OPHN1: variants seen among roughly 807,000 people sequenced by gnomAD.
The protein encoded by OPHN1 is oligophrenin-1.
In OPHN1, 11 loss-of-function variants were observed where a neutral mutation model predicts 60.7. The ratio of observed to expected loss-of-function variants is 0.18; its 90% CI spans 0.11 to 0.30. The LOEUF (loss-of-function observed/expected upper bound fraction) is 0.30. Among genes scored for constraint, OPHN1 ranks in the 10% least tolerant of loss-of-function variants. The pLI, the probability that OPHN1 is intolerant of heterozygous loss-of-function variation, is 1.00. For synonymous variants in OPHN1, 226 were observed against 222.6 expected (o/e 1.02, Z -0.14); for missense variants, 449 against 611.0 (o/e 0.73, Z 2.80).
chrX:68,328,437 A>C, intron 2 of OPHN1, among the ~76,000 whole-genome samples: 1 of 113,189 alleles, frequency 8.8e-6, no homozygotes, highest in African/African-American at 3.2e-5. Context: ...CAAAACTTTT[A>C]AACTTTTAAA....
chrX:68,408,783 G>A (rs1193006068), intron 2 of OPHN1, among the ~76,000 whole-genome samples: 2 of 112,321 alleles, frequency 1.8e-5, no homozygotes, highest in South Asian at 3.7e-4. Context: ...CCAACAGGGC[G>A]AACCTTGTCT....
intron 3 of OPHN1, among the ~76,000 whole-genome samples, chrX:68,291,761 C>T (rs892225200): frequency 2.7e-5 from 3 of 110,674 alleles, no homozygotes; most frequent in Non-Finnish European, 5.7e-5. Context: ...CTTCTTCATG[C>T]CTCCCATAAG....
Position 68,364,053 on chromosome X carries a change from T to C in OPHN1, c.155-64957A>G, listed in dbSNP as rs760022798. 1.2e-4 allele frequency among the ~76,000 whole-genome samples: 13 copies of C among 112,312 alleles called. 2 individuals carry two copies. In the South Asian group the frequency reaches 4.8e-3, roughly 42 times the overall value. ...GTTCCTTGAACATGCCCAGTTCTTA[T>C]TCAATGCATATGCTGTACGAGAGAC... On this transcript the variant is annotated intron_variant, in intron 2 of 24. Transcript: ENST00000355520.
intron 2 of OPHN1, among the ~76,000 whole-genome samples, chrX:68,356,445 C>T (rs2078441074): frequency 9.1e-6 from 1 of 109,730 alleles, no homozygotes; most frequent in Non-Finnish European, 1.9e-5. Flanking sequence ...CAGGGTCTCA[C>T]TCTGTTTCCC....
intron 2 of OPHN1, among the ~76,000 whole-genome samples, chrX:68,357,695 T>C (rs1291942768): frequency 6.3e-5 from 7 of 110,792 alleles, no homozygotes; most frequent in Non-Finnish European, 9.4e-5. Flanking sequence ...CTATTGTGAA[T>C]AGTGCTGCAA....
At chrX:68,085,134 A>G (rs1232901254) in intron 19 of OPHN1, among the ~76,000 whole-genome samples, 1 of 112,100 alleles carries the variant, frequency 8.9e-6, no homozygotes, top group Non-Finnish European at 1.9e-5. Flanking sequence ...ATGGGCATTA[A>G]CCTGTGTGTT....
At chrX:68,078,137 C>T (rs926166032) in intron 19 of OPHN1, among the ~76,000 whole-genome samples, 4 of 111,122 alleles carry the variant, frequency 3.6e-5, no homozygotes, top group African/African-American at 1.3e-4. Flanking sequence ...TTAAATGGGG[C>T]CAATTCTATT....
intron 10 of OPHN1, among the ~76,000 whole-genome samples, chrX:68,205,836 C>T (rs1028642790): frequency 1.4e-4 from 16 of 111,857 alleles, no homozygotes; most frequent in Non-Finnish European, 3.0e-4. Flanking sequence ...GCTTAAAAAT[C>T]ATGCACTAAG....
intron 6 of OPHN1, among the ~76,000 whole-genome samples, chrX:68,226,345 G>A (rs938359472): frequency 1.8e-5 from 2 of 111,171 alleles, no homozygotes; most frequent in Middle Eastern, 9.3e-3. Context: ...ATCTAGCAAG[G>A]CAGGCCAACA....
At chrX:68,059,247 C>T in intron 21 of OPHN1, among the ~76,000 whole-genome samples, 1 of 112,035 alleles carries the variant, frequency 8.9e-6, no homozygotes, top group East Asian at 2.8e-4. Flanking sequence ...TGTCAAATGA[C>T]CATAACCAAA....
chrX:68,284,456 T>C (rs890125880), intron 3 of OPHN1, among the ~76,000 whole-genome samples: 4 of 110,856 alleles, frequency 3.6e-5, no homozygotes, highest in Non-Finnish European at 7.6e-5. Flanking sequence ...GCTGATGCCA[T>C]GCTTCCTATA....
intron 11 of OPHN1, among the ~76,000 whole-genome samples, chrX:68,198,203 A>T (rs1602229231): frequency 9.0e-6 from 1 of 111,657 alleles, no homozygotes; most frequent in Admixed American, 9.6e-5. Context: ...TGAGTTAGTC[A>T]TAAGGGTAGA....
chrX:68,428,481 G>A (rs1295558009), intron 2 of OPHN1, among the ~76,000 whole-genome samples: 1 of 110,786 alleles, frequency 9.0e-6, no homozygotes, highest in Non-Finnish European at 1.9e-5. Flanking sequence ...TACCTTATAT[G>A]ACAATCATTT....
intron 15 of OPHN1, among the ~76,000 whole-genome samples, chrX:68,144,681 C>T (rs865888622): frequency 8.9e-6 from 1 of 111,800 alleles, no homozygotes; most frequent in Non-Finnish European, 1.9e-5. Flanking sequence ...TCTAAAGCTG[C>T]CTTTGGAATA....
At position 68,044,788 on chromosome X, in the gene OPHN1, TG is replaced by T. The variant is rs779427323; in HGVS notation, c.*2383del. 2 of 112,951 alleles carry T rather than the reference TG, an allele frequency of 1.8e-5. No homozygotes were observed. The highest frequency in any genetic ancestry group is 3.2e-5 in the African/African-American group (1 of 31,097). 9.3% of individuals were successfully genotyped at this position (112,951 alleles called of 1,213,427 possible). Reference sequence around the variant, plus strand: ...ACTGCTCCCTGGCCTCCAGGCAGACTGCTGGTCCCCAGCTCTCCAAGATAGG... The same window carrying T: ...ACTGCTCCCTGGCCTCCAGGCAGACTCTGGTCCCCAGCTCTCCAAGATAGG... On this transcript the variant is annotated 3_prime_UTR_variant, in exon 25 of 25. Transcript: ENST00000355520.
At chrX:68,160,091 T>C (rs2077327773) in intron 15 of OPHN1, among the ~76,000 whole-genome samples, 1 of 109,234 alleles carries the variant, frequency 9.2e-6, no homozygotes, top group Non-Finnish European at 1.9e-5. Flanking sequence ...GGGAGACATA[T>C]ATTATACAAA....
intron 18 of OPHN1, 116 bp from the exon 19 acceptor site, chrX:68,097,145 A>G: frequency 1.6e-6 from 1 of 639,764 alleles, no homozygotes. Context: ...GGAAAGGAGC[A>G]CCTAAAGTAT....
At chrX:68,357,669 T>C (rs1055761784) in intron 2 of OPHN1, among the ~76,000 whole-genome samples, 1 of 110,950 alleles carries the variant, frequency 9.0e-6, no homozygotes. Context: ...ACATGTGGGT[T>C]GGTTCCAAGT....
At chrX:68,152,747 C>G (rs956969601) in intron 15 of OPHN1, among the ~76,000 whole-genome samples, 1 of 110,784 alleles carries the variant, frequency 9.0e-6, no homozygotes, top group African/African-American at 3.3e-5. Flanking sequence ...TTGGCCTGAC[C>G]TTACCCTATT....
Sources: gnomAD v4.1 joint callset for allele counts (sites outside exome capture counted in the v4.1 genomes callset) on GRCh38, gnomAD v4.1.1 for gene constraint, MANE v1.5 for transcripts, NCBI Gene and HGNC (gene_info 2026-07-23, HGNC 2026-07-21) for gene names.